The following ABCB5 variants were observed in gnomAD, a reference collection of about 807,000 sequenced individuals.
ABCB5 encodes ATP-binding cassette sub-family B member 5.
In ABCB5, 155 loss-of-function variants were observed where a neutral mutation model predicts 144.2. That is an observed-to-expected ratio of 1.08 (90% CI 0.94 to 1.23). The LOEUF (loss-of-function observed/expected upper bound fraction) is 1.23, where lower values mean the gene tolerates loss of function less well. Among genes scored for constraint, ABCB5 ranks in the 50% most tolerant of loss-of-function variants. The pLI is 0.00. For missense variants in ABCB5, 1,830 were observed against 1,520.8 expected (o/e 1.20, Z -3.38); for synonymous variants, 610 against 528.6 (o/e 1.15, Z -2.11).
intron 16 of ABCB5, among the ~76,000 whole-genome samples, chr7:20,687,882 C>A (rs539601398): frequency 7.5e-4 from 114 of 152,134 alleles, no homozygotes; most frequent in African/African-American, 2.7e-3. Flanking sequence ...AAGAACCCAT[C>A]TCTGAAATAA....
At chr7:20,660,347 G>A (rs1201146764) in intron 14 of ABCB5, 1 of 985,310 alleles carries the variant, frequency 1.0e-6, no homozygotes, top group Non-Finnish European at 1.2e-6. Flanking sequence ...TACTGTCCCT[G>A]TTTTTCAGTT....
intron 5 of ABCB5, among the ~76,000 whole-genome samples, chr7:20,634,271 T>TGTGTGA (rs1784104552): frequency 6.6e-6 from 1 of 150,802 alleles, no homozygotes; most frequent in Non-Finnish European, 1.5e-5. Context: ...TGTGTGTGTG[T>TGTGTGA]AAACATTTTC....
Position 20,711,853 on chromosome 7 carries a change from CTT to C in ABCB5, c.2421+7048_2421+7049del, listed in dbSNP as rs1562573854. On this transcript the variant is annotated intron_variant, in intron 20 of 27. Transcript: ENST00000404938. Reference sequence around the variant, plus strand: ...CTTTCTTTCTTTCTTTCTTTTCTTTCTTTCTTTCCTTCCTCCCTCCCTCCCTC... The same window carrying C: ...CTTTCTTTCTTTCTTTCTTTTCTTTCTCTTTCCTTCCTCCCTCCCTCCCTC... Among the ~76,000 whole-genome samples the C allele has an allele frequency of 1.5e-3, 105 of 71,784 alleles. 11 individuals are homozygous for C. The highest frequency in any genetic ancestry group is 5.8e-3 in the African/African-American group (100 of 17,386). The allele number at this position is 71,784 out of a possible 152,430, so 47.1% of individuals were successfully genotyped here.
intron 1 of ABCB5, among the ~76,000 whole-genome samples, chr7:20,619,177 C>T (rs555771601): frequency 1.3e-5 from 2 of 152,202 alleles, no homozygotes; most frequent in African/African-American, 4.8e-5. Context: ...AGAGTGCATG[C>T]GTCTGTTGTG....
In ABCB5 at chr7:20,648,098, G is replaced by C. The variant is rs369970820; in HGVS notation, c.1206+20G>C. 17 of 1,404,698 alleles carry C rather than the reference G, an allele frequency of 1.2e-5. No individual in the cohort carries two copies. Among genetic ancestry groups the C allele is most frequent in the Non-Finnish European group, 8.0e-6 (8 of 996,584 alleles). 87.0% of individuals were successfully genotyped at this position (1,404,698 alleles called of 1,614,324 possible). The stretch of plus-strand genomic sequence containing the variant: ...ATCAAGGTAGGTTAAAACAAATTAC[G>C]CAATTGTGCAGTTTTCTGATATTAT... On this transcript the variant is annotated intron_variant, in intron 11 of 27. Coordinates refer to ENST00000404938, the MANE Select transcript of ABCB5 (RefSeq NM_001163941.2).
chr7:20,707,904 C>A (rs1786874531), intron 20 of ABCB5, among the ~76,000 whole-genome samples: 1 of 149,790 alleles, frequency 6.7e-6, no homozygotes, highest in African/African-American at 2.5e-5. Flanking sequence ...CCCAGGTTCA[C>A]GCCATTCTCC....
At chr7:20,665,811 A>AT (rs1785171743) in intron 14 of ABCB5, among the ~76,000 whole-genome samples, 1 of 149,968 alleles carries the variant, frequency 6.7e-6, no homozygotes. Context: ...ATACATACAG[A>AT]TATAGATATA....
intron 13 of ABCB5, among the ~76,000 whole-genome samples, chr7:20,652,452 C>G (rs1784627876): frequency 1.3e-5 from 2 of 152,152 alleles, no homozygotes. Flanking sequence ...CACCTATAGT[C>G]TCAGCTACTA....
At position 20,743,060 on chromosome 7, in the gene ABCB5, G is replaced by T; in HGVS notation, c.3208G>T (p.Val1070Leu). 6.2e-7 allele frequency: 1 copy of T among 1,613,916 alleles called. No homozygotes were observed. Among genetic ancestry groups the T allele is most frequent in the South Asian group, 1.1e-5 (1 of 91,044 alleles). The change falls in exon 25 of 28, where the codon GTG (valine) becomes TTG (leucine). Residue 1070 changes from valine (V) to leucine (L), a missense_variant. By Grantham distance (32) the Val-to-Leu change is conservative (BLOSUM62 1). Coordinates refer to ENST00000404938, the MANE Select transcript of ABCB5 (RefSeq NM_001163941.2). ...VQLLQRLYDP[V>L]QGQVLFDGVD... Reference sequence around the variant, plus strand: ...ACTTCTGCAGAGACTTTATGACCCCGTGCAAGGACAAGTGGTAAGACAGAA... The same window carrying T: ...ACTTCTGCAGAGACTTTATGACCCCTTGCAAGGACAAGTGGTAAGACAGAA...
rs191059998 is a variant in ABCB5, at chr7:20,704,196, C to T, written c.2338-528C>T. Among the ~76,000 whole-genome samples the T allele has an allele frequency of 3.9e-3, 584 of 150,630 alleles. 4 individuals are homozygous for T. The highest frequency in any genetic ancestry group is 0.013 in the African/African-American group (547 of 41,170). On this transcript the variant is annotated intron_variant, in intron 19 of 27. Coordinates refer to ENST00000404938, the MANE Select transcript of ABCB5 (RefSeq NM_001163941.2). ...GCTCAAGCAATCCTCCCCACCTCAGCCTCCCAAGTAGCTGGGACCACAGGT... is the reference window on the plus strand; with the variant it reads ...GCTCAAGCAATCCTCCCCACCTCAGTCTCCCAAGTAGCTGGGACCACAGGT...
chr7:20,622,640 A>T (rs1783824980), intron 1 of ABCB5, among the ~76,000 whole-genome samples: 1 of 152,150 alleles, frequency 6.6e-6, no homozygotes, highest in Admixed American at 6.6e-5. Flanking sequence ...TAATAAAATG[A>T]TAATTTATAA....
chr7:20,706,987 GT>G (rs1214449922), intron 20 of ABCB5, among the ~76,000 whole-genome samples: 6 of 152,252 alleles, frequency 3.9e-5, no homozygotes, highest in African/African-American at 1.4e-4. Flanking sequence ...TCAATGGACA[GT>G]TTTTCTATAA....
At position 20,678,280 on chromosome 7, in the gene ABCB5, G is replaced by A. The variant is rs958952006; in HGVS notation, c.1708-3225G>A. On this transcript the variant is annotated intron_variant, in intron 14 of 27. Transcript: ENST00000404938. ...ATCTTAATAGCCAATGCTTTGGGAG[G>A]TTCCCTTCTCTTATAGATTTGGAAA... Among the ~76,000 whole-genome samples the A allele has an allele frequency of 3.3e-5, 5 of 152,136 alleles. No individual in the cohort carries two copies. The South Asian group carries it at 8.3e-4, about 25-fold the overall frequency.
chr7:20,752,466 T>C (rs1323465107), intron 26 of ABCB5, among the ~76,000 whole-genome samples: 2 of 152,226 alleles, frequency 1.3e-5, no homozygotes, highest in Non-Finnish European at 1.5e-5. Flanking sequence ...ATTGGGTTAT[T>C]AGTAAGTAGG....
At chr7:20,752,216 G>A (rs1379704388) in intron 26 of ABCB5, among the ~76,000 whole-genome samples, 2 of 152,008 alleles carry the variant, frequency 1.3e-5, no homozygotes, top group Non-Finnish European at 2.9e-5. Context: ...CAATGGAACT[G>A]ATCCATCTAC....
intron 14 of ABCB5, among the ~76,000 whole-genome samples, chr7:20,668,585 G>T: frequency 6.9e-6 from 1 of 144,394 alleles, no homozygotes; most frequent in Non-Finnish European, 1.5e-5. Context: ...CGTCCGGGAG[G>T]GAGGTGGGGG....
At chr7:20,679,441 C>T (rs992113983) in intron 14 of ABCB5, among the ~76,000 whole-genome samples, 17 of 106,290 alleles carry the variant, frequency 1.6e-4, no homozygotes, top group Admixed American at 5.5e-4. Context: ...ATTGCACTCC[C>T]GCCTGGGCAA....
At chr7:20,749,486 C>T (rs1782849715) in intron 26 of ABCB5, among the ~76,000 whole-genome samples, 1 of 150,136 alleles carries the variant, frequency 6.7e-6, no homozygotes, top group Admixed American at 6.7e-5. Flanking sequence ...GATCCACCCG[C>T]CTCGGCTTCC....
intron 26 of ABCB5, among the ~76,000 whole-genome samples, chr7:20,748,854 C>T (rs568433812): frequency 7.5e-4 from 114 of 152,088 alleles, no homozygotes; most frequent in African/African-American, 2.6e-3. Context: ...GGAAGAAAGT[C>T]GGCTTCACAT....
Sources: gnomAD v4.1 joint callset for allele counts (sites outside exome capture counted in the v4.1 genomes callset) on GRCh38, gnomAD v4.1.1 for gene constraint, MANE v1.5 for transcripts, NCBI Gene and HGNC (gene_info 2026-07-23, HGNC 2026-07-21) for gene names.